Variants in CENPC observed in about 807,000 individuals in gnomAD.
CENPC encodes the protein centromere protein C, also known as CENP-C 1.
In CENPC, 63 loss-of-function variants were observed where a neutral mutation model predicts 112.1. The observed-to-expected ratio is 0.56, with a 90% confidence interval of 0.46 to 0.69. The LOEUF (loss-of-function observed/expected upper bound fraction) is 0.69. CENPC is among the 30% of genes least tolerant of loss of function. The pLI, the probability that CENPC is intolerant of heterozygous loss-of-function variation, is 0.00. For synonymous variants in CENPC, 333 were observed against 367.6 expected, an observed-to-expected ratio of 0.91 and a Z score of 1.08; for missense variants, 1,000 against 1,103.8, an observed-to-expected ratio of 0.91 and a Z score of 1.33.
intron 17 of CENPC, among the ~76,000 whole-genome samples, chr4:67,481,277 A>G (rs984113251): frequency 1.3e-5 from 2 of 152,210 alleles, no homozygotes; most frequent in East Asian, 3.8e-4. Context: ...ATGAAAACAC[A>G]TCCCATGCTC....
intron 11 of CENPC, 130 bp downstream of exon 11, chr4:67,506,658 G>C (rs355513): frequency 0.63 from 438,807 of 700,756 alleles, 139,138 homozygotes; most frequent in East Asian, 0.79. Context: ...AGATTGCTGA[G>C]CCATAGAAAC....
chr4:67,476,506 T>A (rs919442522), intron 17 of CENPC, among the ~76,000 whole-genome samples: 94 of 152,100 alleles, frequency 6.2e-4, no homozygotes, highest in Admixed American at 1.4e-3. Flanking sequence ...CCCTGTTAAG[T>A]ACTCCTGGTT....
chr4:67,525,861 C>G (rs1045486700), intron 5 of CENPC, among the ~76,000 whole-genome samples: 1 of 152,218 alleles, frequency 6.6e-6, no homozygotes, highest in African/African-American at 2.4e-5. Context: ...GCTATAAAGA[C>G]ACATGCACAT....
chr4:67,542,615 T>C (rs751509640), intron 2 of CENPC, among the ~76,000 whole-genome samples: 1 of 152,206 alleles, frequency 6.6e-6, no homozygotes, highest in Non-Finnish European at 1.5e-5. Flanking sequence ...GTAATTCTGA[T>C]GTGCAAATCT....
intron 4 of CENPC, among the ~76,000 whole-genome samples, 188 bp downstream of exon 4, chr4:67,539,652 A>G (rs1408026271): frequency 6.6e-6 from 1 of 152,156 alleles, no homozygotes; most frequent in Non-Finnish European, 1.5e-5. Flanking sequence ...CCATAATCCC[A>G]ATTCCAACAG....
At chr4:67,493,821 A>G (rs765509536) in intron 14 of CENPC, 63 bp downstream of exon 14, 3 of 934,652 alleles carry the variant, frequency 3.2e-6, no homozygotes, top group Admixed American at 4.0e-5. Context: ...CATGTAGTGC[A>G]GTGTCTGGCA....
At chr4:67,515,006 C>A (rs355461) in intron 7 of CENPC, among the ~76,000 whole-genome samples, 94,013 of 146,806 alleles carry the variant, frequency 0.64, 29,839 homozygotes, top group East Asian at 0.82. Flanking sequence ...TACATTGACT[C>A]ACAGTCCAAA....
intron 10 of CENPC, among the ~76,000 whole-genome samples, 168 bp downstream of exon 10, chr4:67,508,646 T>A (rs1214607875): frequency 6.6e-6 from 1 of 152,040 alleles, no homozygotes; most frequent in Non-Finnish European, 1.5e-5. Flanking sequence ...GAGTACTACT[T>A]TGCCTGTGTG....
At chr4:67,532,679 T>C (rs1726590296) in intron 4 of CENPC, among the ~76,000 whole-genome samples, 1 of 149,750 alleles carries the variant, frequency 6.7e-6, no homozygotes, top group African/African-American at 2.5e-5. Context: ...TTCTCACTCA[T>C]AGATGGGAAT....
intron 8 of CENPC, among the ~76,000 whole-genome samples, chr4:67,513,552 A>T (rs1037314104): frequency 1.6e-4 from 24 of 152,104 alleles, no homozygotes; most frequent in Non-Finnish European, 1.5e-5. Flanking sequence ...CTTCCTTTTA[A>T]TCCTATGCAT....
rs371536161 is a variant in CENPC, at chr4:67,505,193, A to G, written c.2131+12T>C. The G allele has an allele frequency of 1.1e-4, 176 of 1,541,392 alleles. No homozygotes were observed. The highest frequency in any genetic ancestry group is 1.5e-4 in the Non-Finnish European group (172 of 1,137,944). On this transcript the variant is annotated intron_variant, in intron 12 of 18. Transcript: ENST00000273853. ...CCATAAAAATCAAGACAGAAAAAAAACAATAGTTTACCTGAACTTCCATGA... is the reference window on the plus strand; with the variant it reads ...CCATAAAAATCAAGACAGAAAAAAAGCAATAGTTTACCTGAACTTCCATGA...
intron 12 of CENPC, chr4:67,504,908 AATC>A (rs1725692386): frequency 3.3e-6 from 1 of 306,054 alleles, no homozygotes; most frequent in Non-Finnish European, 5.9e-6. Flanking sequence ...CAGCTTCAGT[AATC>A]ATCAACAGAT....
chr4:67,502,864 T>C (rs1283298377), intron 12 of CENPC, among the ~76,000 whole-genome samples: 2 of 152,150 alleles, frequency 1.3e-5, no homozygotes, highest in African/African-American at 2.4e-5. Context: ...GAAAATCCTG[T>C]TGACTTTACC....
At chr4:67,539,544 T>C (rs923959717) in intron 4 of CENPC, among the ~76,000 whole-genome samples, 3 of 152,190 alleles carry the variant, frequency 2.0e-5, no homozygotes, top group Non-Finnish European at 2.9e-5. Context: ...CCAACCTGAT[T>C]AGCAACTTTG....
intron 5 of CENPC, among the ~76,000 whole-genome samples, chr4:67,521,277 C>T (rs1726221834): frequency 6.8e-6 from 1 of 147,300 alleles, no homozygotes; most frequent in Non-Finnish European, 1.5e-5. Flanking sequence ...AATTATTTAA[C>T]AATAAATTTT....
At chr4:67,486,888 T>A (rs954172035) in intron 17 of CENPC, among the ~76,000 whole-genome samples, 3 of 151,972 alleles carry the variant, frequency 2.0e-5, no homozygotes, top group African/African-American at 7.2e-5. Flanking sequence ...ATTTGAAAGA[T>A]TTCACCACAC....
At chr4:67,517,030 T>A (rs1322164622) in intron 7 of CENPC, among the ~76,000 whole-genome samples, 4 of 152,036 alleles carry the variant, frequency 2.6e-5, no homozygotes, top group Admixed American at 2.0e-4. Context: ...GTATAACGCA[T>A]TTGTTTCAGA....
chr4:67,496,935 A>G (rs1439155121), intron 12 of CENPC, among the ~76,000 whole-genome samples: 1 of 112,714 alleles, frequency 8.9e-6, no homozygotes, highest in Non-Finnish European at 1.6e-5. Flanking sequence ...AGTCTCCCCT[A>G]GAACAAGTAG....
intron 4 of CENPC, among the ~76,000 whole-genome samples, chr4:67,531,785 C>A (rs904277375): frequency 2.0e-5 from 3 of 152,194 alleles, no homozygotes; most frequent in Non-Finnish European, 2.9e-5. Flanking sequence ...TCTGCTAATG[C>A]GCATTTTTCC....
Sources: gnomAD v4.1 joint callset for allele counts (sites outside exome capture counted in the v4.1 genomes callset) on GRCh38, gnomAD v4.1.1 for gene constraint, MANE v1.5 for transcripts, NCBI Gene and HGNC (gene_info 2026-07-23, HGNC 2026-07-21) for gene names.